Variants in ARHGAP10 observed in about 807,000 individuals in gnomAD.
The protein encoded by ARHGAP10 is Rho GTPase activating protein 10, also known as rho GTPase-activating protein 10.
A neutral mutation model predicts 108.6 loss-of-function variants in ARHGAP10; 87 were observed. That is an observed-to-expected ratio of 0.80 (90% CI 0.67 to 0.96). ARHGAP10 has a LOEUF of 0.96. ARHGAP10 is among the 40% of genes least tolerant of loss of function. The pLI, the probability that ARHGAP10 is intolerant of heterozygous loss-of-function variation, is 0.00. For missense variants in ARHGAP10, 939 were observed against 954.5 expected (o/e 0.98, Z 0.21); for synonymous variants, 347 against 341.1 (o/e 1.02, Z -0.19).
intron 14 of ARHGAP10, among the ~76,000 whole-genome samples, chr4:147,945,389 C>CT (rs1215550241): frequency 6.6e-6 from 1 of 152,038 alleles, no homozygotes; most frequent in Non-Finnish European, 1.5e-5. Context: ...TATTAACTGA[C>CT]TTACCATTTG....
At chr4:147,874,546 G>A (rs1421894574) in intron 7 of ARHGAP10, among the ~76,000 whole-genome samples, 4 of 152,164 alleles carry the variant, frequency 2.6e-5, no homozygotes, top group African/African-American at 9.7e-5. Context: ...GTATTTATTA[G>A]TTTGCAAAGA....
At chr4:148,008,476 G>A (rs932297330) in intron 18 of ARHGAP10, among the ~76,000 whole-genome samples, 3 of 151,506 alleles carry the variant, frequency 2.0e-5, no homozygotes, top group Non-Finnish European at 4.4e-5. Context: ...CCCACTGGGG[G>A]TGGTGGTACT....
chr4:148,045,653 G>A (rs981865381), intron 19 of ARHGAP10, among the ~76,000 whole-genome samples: 1 of 144,384 alleles, frequency 6.9e-6, no homozygotes, highest in Non-Finnish European at 1.5e-5. Flanking sequence ...CAGGAGAACT[G>A]CTTGAACCTG....
At chr4:147,883,284 A>G (rs1735408249) in intron 10 of ARHGAP10, among the ~76,000 whole-genome samples, 1 of 152,002 alleles carries the variant, frequency 6.6e-6, no homozygotes, top group Non-Finnish European at 1.5e-5. Context: ...TGGTCTCAAA[A>G]CTCCTGGACT....
intron 18 of ARHGAP10, among the ~76,000 whole-genome samples, chr4:148,021,732 C>T (rs1044744172): frequency 3.3e-5 from 5 of 152,154 alleles, no homozygotes; most frequent in African/African-American, 1.2e-4. Context: ...GATAATAGTC[C>T]AGGCAGCAGA....
intron 20 of ARHGAP10, among the ~76,000 whole-genome samples, chr4:148,058,812 C>G (rs183388862): frequency 6.6e-6 from 1 of 152,222 alleles, no homozygotes; most frequent in East Asian, 1.9e-4. Flanking sequence ...CACTGCTGCA[C>G]GTGAAAGCTA....
chr4:147,883,122 A>G (rs901040255), intron 10 of ARHGAP10, among the ~76,000 whole-genome samples: 3 of 152,234 alleles, frequency 2.0e-5, no homozygotes, highest in Non-Finnish European at 4.4e-5. Context: ...AAGACCATTT[A>G]TTGTACATAA....
At chr4:148,019,121 G>A (rs1158332967) in intron 18 of ARHGAP10, among the ~76,000 whole-genome samples, 1 of 152,180 alleles carries the variant, frequency 6.6e-6, no homozygotes, top group African/African-American at 2.4e-5. Flanking sequence ...TGCTCCACTT[G>A]TTACTTTTCT....
At chr4:147,744,286 A>G (rs6849336) in intron 1 of ARHGAP10, among the ~76,000 whole-genome samples, 13,071 of 151,842 alleles carry the variant, frequency 0.086, 1,270 homozygotes, top group African/African-American at 0.24. Context: ...GGGAAAATGC[A>G]TCTGAGAGGT....
chr4:147,897,957 C>T (rs1017839482), intron 10 of ARHGAP10, among the ~76,000 whole-genome samples: 1 of 152,058 alleles, frequency 6.6e-6, no homozygotes, highest in African/African-American at 2.4e-5. Context: ...GGGTTCACGC[C>T]ATTCTCCTGC....
intron 1 of ARHGAP10, among the ~76,000 whole-genome samples, chr4:147,796,829 C>T (rs566622322): frequency 2.0e-5 from 3 of 152,230 alleles, no homozygotes; most frequent in East Asian, 1.9e-4. Context: ...CCGGCCTGTT[C>T]CTTATTTCTG....
At chr4:147,986,914 A>G (rs1302796265) in intron 18 of ARHGAP10, among the ~76,000 whole-genome samples, 1 of 152,176 alleles carries the variant, frequency 6.6e-6, no homozygotes, top group Non-Finnish European at 1.5e-5. Flanking sequence ...CTTAAGCCCT[A>G]GACTCTGCTG....
chr4:147,920,836 A>G (rs774736719), intron 13 of ARHGAP10, among the ~76,000 whole-genome samples: 47 of 152,340 alleles, frequency 3.1e-4, no homozygotes, highest in Non-Finnish European at 6.0e-4. Flanking sequence ...ATGGGAAAGT[A>G]TATTTTGGCG....
chr4:147,951,393 G>T (rs371674729), intron 15 of ARHGAP10, among the ~76,000 whole-genome samples: 196 of 124,150 alleles, frequency 1.6e-3, no homozygotes, highest in African/African-American at 5.1e-3. Context: ...TTTAGGCTGT[G>T]GTATAGTTGA....
intron 4 of ARHGAP10, among the ~76,000 whole-genome samples, chr4:147,855,746 G>A (rs1385006373): frequency 6.7e-6 from 1 of 149,268 alleles, no homozygotes; most frequent in Non-Finnish European, 1.5e-5. Flanking sequence ...GAGTAGAAAA[G>A]GGAAGAAACC....
chr4:147,771,272 C>T (rs1393286324), intron 1 of ARHGAP10, among the ~76,000 whole-genome samples: 4 of 152,228 alleles, frequency 2.6e-5, no homozygotes, highest in Admixed American at 6.5e-5. Context: ...CATGTCCAGC[C>T]GCCTGTAACA....
chr4:147,850,867 C>T (rs1450976006), intron 4 of ARHGAP10, among the ~76,000 whole-genome samples: 1 of 152,150 alleles, frequency 6.6e-6, no homozygotes, highest in Non-Finnish European at 1.5e-5. Context: ...GCCAAATGTC[C>T]CACAGGACTT....
At chr4:147,950,896 C>T (rs75669754) in intron 15 of ARHGAP10, among the ~76,000 whole-genome samples, 1 of 151,988 alleles carries the variant, frequency 6.6e-6, no homozygotes, top group African/African-American at 2.4e-5. Flanking sequence ...TTCTTTTAAG[C>T]CTGGAAATTG....
In ARHGAP10 at chr4:147,836,455, C is replaced by T. The variant is rs115053194; in HGVS notation, c.313-10696C>T. Among the ~76,000 whole-genome samples the T allele has an allele frequency of 6.8e-4, 104 of 152,156 alleles. 1 individual carries two copies. Among genetic ancestry groups the T allele is most frequent in the South Asian group, 5.2e-3 (25 of 4,820 alleles). The stretch of plus-strand genomic sequence containing the variant: ...GCAGAAGTGTGATAATTGAACTAGT[C>T]GATTTGGGATATATACTTTAAAATC... On this transcript the variant is annotated intron_variant, in intron 3 of 22. Coordinates refer to ENST00000336498, the MANE Select transcript of ARHGAP10 (RefSeq NM_024605.4).
Sources: gnomAD v4.1 joint callset for allele counts (sites outside exome capture counted in the v4.1 genomes callset) on GRCh38, gnomAD v4.1.1 for gene constraint, MANE v1.5 for transcripts, NCBI Gene and HGNC (gene_info 2026-07-23, HGNC 2026-07-21) for gene names.